TTLL10: variants seen among roughly 807,000 people sequenced by gnomAD.
TTLL10 encodes inactive polyglycylase TTLL10.
Under a neutral mutation model 69.0 loss-of-function variants are expected in TTLL10, and 61 were observed. The ratio of observed to expected loss-of-function variants is 0.88; its 90% CI spans 0.72 to 1.09. The LOEUF is 1.09. Among genes scored for constraint, TTLL10 ranks in the 50% least tolerant of loss-of-function variants. The pLI is 0.00. For synonymous variants in TTLL10, 408 were observed against 393.3 expected (o/e 1.04, Z -0.44); for missense variants, 962 against 945.9 (o/e 1.02, Z -0.22).
rs1557476944 is a variant in TTLL10 at position 1,180,641 on chromosome 1, G to T, written c.625+40G>T. ...CACCAGAGGCGGGCAGCCTGCAGGG[G>T]CCTCCTGGGCCGGAGCACAGGGCAG... On this transcript the variant is annotated intron_variant, in intron 7 of 15. Coordinates refer to ENST00000379289, the MANE Select transcript of TTLL10 (RefSeq NM_001130045.2). 4 of 1,552,824 alleles carry T rather than the reference G, an allele frequency of 2.6e-6. No individual in the cohort carries two copies. The African/African-American group carries it at 4.1e-5, about 16-fold the overall frequency.
chr1:1,193,383 ATT>A (rs2100917873), intron 13 of TTLL10, among the ~76,000 whole-genome samples: 1 of 119,008 alleles, frequency 8.4e-6, no homozygotes, highest in South Asian at 3.2e-4. Context: ...CTATTTTGTT[ATT>A]TGTTTTCTAT....
intron 4 of TTLL10, 26 bp downstream of exon 4, chr1:1,179,359 TC>T (rs1168031157): frequency 6.5e-7 from 1 of 1,543,548 alleles, no homozygotes; most frequent in Admixed American, 2.0e-5. Flanking sequence ...CTGGGTGGCC[TC>T]CTACCTCTCC....
At chr1:1,176,457 A>C (rs1646875929) in intron 3 of TTLL10, 1 of 453,160 alleles carries the variant, frequency 2.2e-6, no homozygotes. Context: ...TTTCCCTGAC[A>C]GCTCACTCCT....
intron 3 of TTLL10, 29 bp from the exon 4 acceptor site, chr1:1,179,160 G>A: frequency 2.1e-6 from 3 of 1,426,242 alleles, no homozygotes; most frequent in Non-Finnish European, 1.9e-6. Context: ...AGGTCCCACA[G>A]GAGGGTCAGA....
rs1647255636 is a variant in TTLL10, at chr1:1,185,526, C to T, written c.1401+417C>T. ...CCGTGCAGGCCCGGACTCTCCCTAG[C>T]TAAGGGCCATGTGCGGTGGAGTGTC... On this transcript the variant is annotated intron_variant, in intron 13 of 15. Coordinates refer to ENST00000379289, the MANE Select transcript of TTLL10 (RefSeq NM_001130045.2). This position sits in a 1 kb window ranked among gnomAD's most constrained non-coding sequence, Gnocchi z 6.1. The T allele has an allele frequency of 9.7e-7, 1 of 1,027,698 alleles. No homozygotes were observed. The highest frequency in any genetic ancestry group is 5.5e-5 in the Admixed American group (1 of 18,102). 63.7% of individuals were successfully genotyped at this position (1,027,698 alleles called of 1,614,324 possible).
At chr1:1,175,233 TC>T (rs888078681) in intron 3 of TTLL10, 1 of 191,154 alleles carries the variant, frequency 5.2e-6, no homozygotes, top group Non-Finnish European at 1.1e-5. Flanking sequence ...AAAGGAGGCC[TC>T]AGGCTTACGA....
rs1647052403 is a variant in TTLL10 at position 1,181,062 on chromosome 1, GC to G, written c.755+206del. Reference sequence around the variant, plus strand: ...CCTGGCCACCTGGGCTCCCAGGCTGGCCCCAGCCCCCACCCGTCAGCACCTG... The same window carrying G: ...CCTGGCCACCTGGGCTCCCAGGCTGGCCCAGCCCCCACCCGTCAGCACCTG... On this transcript the variant is annotated intron_variant, in intron 8 of 15. Coordinates refer to ENST00000379289, the MANE Select transcript of TTLL10 (RefSeq NM_001130045.2). The surrounding 1 kb of genome is among the most constrained non-coding windows in gnomAD (Gnocchi z 4.6). 7.5e-6 allele frequency among the ~76,000 whole-genome samples: 1 copy of G among 133,570 alleles called. No homozygotes were observed. Among genetic ancestry groups the G allele is most frequent in the South Asian group, 2.4e-4 (1 of 4,200 alleles). 87.6% of individuals were successfully genotyped at this position (133,570 alleles called of 152,430 possible). A position where few individuals can be genotyped will look rare whatever the true frequency, so the allele number is the denominator to read the frequency against.
Position 1,183,996 on chromosome 1 carries a change from C to G in TTLL10, c.1165C>G (p.Pro389Ala). The change falls in exon 12 of 16, where the codon CCC becomes GCC. Residue 389 changes from proline (P) to alanine (A), a missense_variant. Transcript: ENST00000379289. ...CTACCTGCTCATTGCCTGCACCACA[C>G]CCTACATGATCTTCTTTGGCCACGG... ...RSYLLIACTTPYMIFFGHGYA... is the reference protein window; with the variant it reads ...RSYLLIACTTAYMIFFGHGYA... 5 of 1,614,226 alleles carry G rather than the reference C, an allele frequency of 3.1e-6. No homozygotes were observed. The highest frequency in any genetic ancestry group is 4.2e-6 in the Non-Finnish European group (5 of 1,180,028).
chr1:1,184,054 C>T lies in TTLL10; in HGVS notation c.1223C>T (p.Pro408Leu). The T allele has an allele frequency of 6.2e-7, 1 of 1,614,232 alleles. No individual in the cohort carries two copies. The highest frequency in any genetic ancestry group is 1.1e-5 in the South Asian group (1 of 91,092). ...YARLTLSLYD[P>L]HSSDLGGHLT... Reference sequence around the variant, plus strand: ...CGCCTCACCCTTAGCCTTTACGACCCCCATTCCAGCGACCTCGGCGGCCAC... The same window carrying T: ...CGCCTCACCCTTAGCCTTTACGACCTCCATTCCAGCGACCTCGGCGGCCAC... Residue 408 changes from proline (P) to leucine (L), a missense_variant, in exon 12 of 16, where the codon CCC (proline) becomes CTC (leucine). Coordinates refer to ENST00000379289, the MANE Select transcript of TTLL10 (RefSeq NM_001130045.2).
At chr1:1,180,013 G>T (rs770140865) in intron 5 of TTLL10, 21 bp from the exon 6 acceptor site, 1 of 1,503,804 alleles carries the variant, frequency 6.6e-7, no homozygotes, top group South Asian at 1.4e-5. Flanking sequence ...CCACCCCGGT[G>T]GGACCCCACC....
In TTLL10 at chr1:1,185,577, G is replaced by A. The variant is rs115765406; in HGVS notation, c.1401+468G>A. ...CTAATTTTGCAGGGTTCCTTTCTGT[G>A]GGGGTACCTGTGGGGTACTTCAAAC... On this transcript the variant is annotated intron_variant, in intron 13 of 15. Transcript: ENST00000379289. This position sits in a 1 kb window ranked among gnomAD's most constrained non-coding sequence, Gnocchi z 6.1. 1,045 of 991,606 alleles carry A rather than the reference G, an allele frequency of 1.1e-3. 10 individuals carry two copies. In the African/African-American group the frequency reaches 0.017, roughly 16 times the overall value. 61.4% of individuals were successfully genotyped at this position (991,606 alleles called of 1,614,324 possible). A position where few individuals can be genotyped will look rare whatever the true frequency, so the allele number is the denominator to read the frequency against.
chr1:1,190,671 T>G (rs1330491364), intron 13 of TTLL10, among the ~76,000 whole-genome samples: 1 of 151,982 alleles, frequency 6.6e-6, no homozygotes, highest in Admixed American at 6.6e-5. Flanking sequence ...TTCTAATTTC[T>G]TAAGGTCAAA....
In TTLL10 at chr1:1,183,825, T is replaced by C. The variant is rs913683158; in HGVS notation, c.1089-95T>C. On this transcript the variant is annotated intron_variant, in intron 11 of 15. Transcript: ENST00000379289. The stretch of plus-strand genomic sequence containing the variant: ...CACACCTGGGACAGAGGCGGGGCGC[T>C]GAGGAAATGGAACAGGCCCGGGGTG... 3.3e-6 allele frequency: 5 copies of C among 1,508,656 alleles called. No individual in the cohort carries two copies. In the African/African-American group the frequency reaches 5.5e-5, roughly 17 times the overall value. 93.5% of individuals were successfully genotyped at this position (1,508,656 alleles called of 1,614,324 possible). A position where few individuals can be genotyped will look rare whatever the true frequency, so the allele number is the denominator to read the frequency against.
Position 1,185,057 on chromosome 1 carries a change from C to T in TTLL10, c.1349C>T (p.Thr450Met), listed in dbSNP as rs571547413. 2.0e-4 allele frequency: 316 copies of T among 1,614,092 alleles called. 2 individuals are homozygous for T. In the South Asian group the frequency reaches 3.3e-3, roughly 17 times the overall value. ...CACCTCAACCGCTACATCAGTGACACGTTCTGGAAGGCCCGGGGCCTCGCC... is the reference window on the plus strand; with the variant it reads ...CACCTCAACCGCTACATCAGTGACATGTTCTGGAAGGCCCGGGGCCTCGCC... ...MEHLNRYISD[T>M]FWKARGLAKD... Residue 450 changes from threonine to methionine, a missense_variant, in exon 13 of 16, where the codon ACG becomes ATG. By Grantham distance (81) the Thr-to-Met change is moderately conservative (BLOSUM62 -1). Coordinates refer to ENST00000379289, the MANE Select transcript of TTLL10 (RefSeq NM_001130045.2). The surrounding 1 kb of genome is among the most constrained non-coding windows in gnomAD (Gnocchi z 6.1).
At chr1:1,179,047 G>C (rs889856935) in intron 3 of TTLL10, 142 bp from the exon 4 acceptor site, 1 of 579,462 alleles carries the variant, frequency 1.7e-6, no homozygotes, top group African/African-American at 2.0e-5. Flanking sequence ...GGAGCCAGCC[G>C]CACGCAGAGG....
chr1:1,188,241 G>A (rs918608533), intron 13 of TTLL10, among the ~76,000 whole-genome samples: 1 of 150,284 alleles, frequency 6.7e-6, no homozygotes, highest in African/African-American at 2.5e-5. Flanking sequence ...ACATGGTTTT[G>A]ATTGCTGTAG....
Position 1,181,692 on chromosome 1 carries a change from C to A in TTLL10, c.756-49C>A. Reference sequence around the variant, plus strand: ...TCCCCCAGTCCCCACCCGCTCCAAGCACCATGAGCTGGCCCCTCAGTCCAG... The same window carrying A: ...TCCCCCAGTCCCCACCCGCTCCAAGAACCATGAGCTGGCCCCTCAGTCCAG... On this transcript the variant is annotated intron_variant, in intron 8 of 15. Transcript: ENST00000379289. This position sits in a 1 kb window ranked among gnomAD's most constrained non-coding sequence, Gnocchi z 4.6. The A allele has an allele frequency of 5.2e-6, 8 of 1,535,470 alleles. No individual in the cohort carries two copies. The highest frequency in any genetic ancestry group is 7.1e-6 in the Non-Finnish European group (8 of 1,133,644).
chr1:1,182,466 A>G lies in TTLL10; in HGVS notation c.916+20A>G, dbSNP rs1488599547. The stretch of plus-strand genomic sequence containing the variant: ...TTGATGGTGAGACGCTGCTGGCCGG[A>G]CACCAGGCTGGCCCTGGGGAGACAG... On this transcript the variant is annotated intron_variant, in intron 10 of 15. Transcript: ENST00000379289. 1 of 1,611,386 alleles carries G rather than the reference A, an allele frequency of 6.2e-7. No homozygotes were observed. Among genetic ancestry groups the G allele is most frequent in the Non-Finnish European group, 8.5e-7 (1 of 1,177,914 alleles).
At chr1:1,196,571 A>G in intron 13 of TTLL10, 29 bp from the exon 14 acceptor site, 1 of 1,526,980 alleles carries the variant, frequency 6.5e-7, no homozygotes, top group South Asian at 1.2e-5. Flanking sequence ...TACGGGCCGC[A>G]GCCAGGATGC....
Sources: gnomAD v4.1 joint callset for allele counts (sites outside exome capture counted in the v4.1 genomes callset) on GRCh38, gnomAD v4.1.1 for gene constraint, Gnocchi (gnomAD v3.1) non-coding constraint, MANE v1.5 for transcripts, NCBI Gene and HGNC (gene_info 2026-07-23, HGNC 2026-07-21) for gene names.